Variants in DPP10 observed in about 807,000 individuals in gnomAD.
DPP10 encodes the protein inactive dipeptidyl peptidase 10.
A neutral mutation model predicts 120.9 loss-of-function variants in DPP10; 33 were observed. The ratio of observed to expected loss-of-function variants is 0.27; its 90% confidence interval spans 0.21 to 0.37. The LOEUF is 0.37. DPP10 is among the 10% of genes least tolerant of loss of function. DPP10 has a pLI of 1.00. For synonymous variants in DPP10, 337 were observed against 326.1 expected, an observed-to-expected ratio of 1.03 and a Z score of -0.36; for missense variants, 816 against 942.8, an observed-to-expected ratio of 0.87 and a Z score of 1.76.
At chr2:115,300,275 T>G (rs561119148) in intron 1 of DPP10, among the ~76,000 whole-genome samples, 1 of 152,206 alleles carries the variant, frequency 6.6e-6, no homozygotes, top group African/African-American at 2.4e-5. Context: ...CTTCTGTCTC[T>G]AAGTATTTGA....
chr2:115,080,136 G>C (rs1010320358), intron 1 of DPP10, among the ~76,000 whole-genome samples: 1 of 152,116 alleles, frequency 6.6e-6, no homozygotes, highest in Non-Finnish European at 1.5e-5. Flanking sequence ...TCCTGCCTCA[G>C]CCTTCCAAGT....
At chr2:114,602,502 T>A (rs1692455812) in intron 1 of DPP10, among the ~76,000 whole-genome samples, 2 of 152,036 alleles carry the variant, frequency 1.3e-5, no homozygotes, top group Admixed American at 1.3e-4. Flanking sequence ...TTATGTAGTC[T>A]GAGTCTGGGC....
At chr2:115,641,810 A>C (rs2086805632) in intron 5 of DPP10, among the ~76,000 whole-genome samples, 1 of 152,192 alleles carries the variant, frequency 6.6e-6, no homozygotes, top group Non-Finnish European at 1.5e-5. Context: ...ATTATGGAAT[A>C]CTGGTGCCTC....
intron 3 of DPP10, among the ~76,000 whole-genome samples, chr2:115,462,173 C>T (rs1428861948): frequency 1.3e-5 from 2 of 152,084 alleles, no homozygotes; most frequent in Non-Finnish European, 2.9e-5. Context: ...CGTCACTTAC[C>T]AGTCACACAA....
intron 3 of DPP10, among the ~76,000 whole-genome samples, chr2:115,417,937 A>G (rs1029038183): frequency 1.3e-5 from 2 of 152,154 alleles, no homozygotes; most frequent in African/African-American, 4.8e-5. Context: ...AGTTGTAGCA[A>G]TGGGCATTGT....
At chr2:115,105,815 T>C (rs1412260243) in intron 1 of DPP10, among the ~76,000 whole-genome samples, 1 of 152,238 alleles carries the variant, frequency 6.6e-6, no homozygotes, top group Non-Finnish European at 1.5e-5. Flanking sequence ...TGATGAATCA[T>C]TCACTCTTTT....
chr2:115,065,834 T>G (rs1332879150), intron 1 of DPP10, among the ~76,000 whole-genome samples: 1 of 152,170 alleles, frequency 6.6e-6, no homozygotes, highest in African/African-American at 2.4e-5. Context: ...CATTGTTAGT[T>G]TTTATTGAAA....
intron 1 of DPP10, among the ~76,000 whole-genome samples, chr2:115,052,717 C>A (rs1442154085): frequency 6.6e-6 from 1 of 152,066 alleles, no homozygotes; most frequent in East Asian, 1.9e-4. Flanking sequence ...TTTGGGATGC[C>A]AAGGCAGGCA....
intron 5 of DPP10, among the ~76,000 whole-genome samples, chr2:115,658,921 G>A (rs1397985722): frequency 6.6e-6 from 1 of 152,042 alleles, no homozygotes; most frequent in Admixed American, 6.6e-5. Flanking sequence ...ATTTTTTCAA[G>A]TTGTATAGTT....
In DPP10 at chr2:115,286,526, AAT is replaced by A. The variant is rs1553538951; in HGVS notation, c.61-22699_61-22698del. 4.9e-5 allele frequency among the ~76,000 whole-genome samples: 3 copies of A among 60,952 alleles called. 1 individual carries two copies. The highest frequency in any genetic ancestry group is 6.6e-5 in the Non-Finnish European group (2 of 30,148). The allele number at this position is 60,952 out of a possible 152,430, so 40.0% of individuals were successfully genotyped here. On this transcript the variant is annotated intron_variant, in intron 1 of 25. Transcript: ENST00000410059. ...TATTACATATATAATATATATATATAATATATATATATATAAAATATATACAG... is the reference window on the plus strand; with the variant it reads ...TATTACATATATAATATATATATATAATATATATATATAAAATATATACAG...
At chr2:114,538,934 G>A (rs1686731103) in intron 1 of DPP10, among the ~76,000 whole-genome samples, 1 of 152,044 alleles carries the variant, frequency 6.6e-6, no homozygotes, top group Admixed American at 6.6e-5. Flanking sequence ...CCCTTGATCA[G>A]ATTAGTCACA....
At chr2:115,755,946 A>G (rs371168750) in intron 11 of DPP10, among the ~76,000 whole-genome samples, 6 of 145,520 alleles carry the variant, frequency 4.1e-5, no homozygotes, top group East Asian at 2.0e-4. Flanking sequence ...GTGTGTGTGT[A>G]TATATATACA....
rs1467769887 is a variant in DPP10 at position 115,844,295 on chromosome 2, T to C, written c.*1950T>C. On this transcript the variant is annotated 3_prime_UTR_variant, in exon 26 of 26. Transcript: ENST00000410059. ...TTATGATGCAAATGATTATGTTGTC[T>C]GAAAGGTGTGGTTTTATTGAATGTC... 2 of 152,600 alleles carry C rather than the reference T, an allele frequency of 1.3e-5. No homozygotes were observed. The highest frequency in any genetic ancestry group is 2.9e-5 in the Non-Finnish European group (2 of 68,008). The allele number at this position is 152,600 out of a possible 1,614,324, so 9.5% of individuals were successfully genotyped here. A position where few individuals can be genotyped will look rare whatever the true frequency, so the allele number is the denominator to read the frequency against.
At chr2:114,694,365 T>C (rs1699944165) in intron 1 of DPP10, among the ~76,000 whole-genome samples, 1 of 152,012 alleles carries the variant, frequency 6.6e-6, no homozygotes, top group Non-Finnish European at 1.5e-5. Flanking sequence ...TATGTTCTTA[T>C]AGTTGATGAA....
chr2:115,570,625 C>T (rs969797852), intron 5 of DPP10, among the ~76,000 whole-genome samples: 1 of 152,080 alleles, frequency 6.6e-6, no homozygotes, highest in African/African-American at 2.4e-5. Context: ...TGAGTTAATG[C>T]TGTGTGGTGT....
At chr2:114,534,078 C>T (rs1289543263) in intron 1 of DPP10, among the ~76,000 whole-genome samples, 1 of 152,196 alleles carries the variant, frequency 6.6e-6, no homozygotes, top group Non-Finnish European at 1.5e-5. Flanking sequence ...CTTTATCTTA[C>T]AACTCTTCAA....
At chr2:115,406,931 A>G (rs1487620073) in intron 3 of DPP10, among the ~76,000 whole-genome samples, 3 of 152,234 alleles carry the variant, frequency 2.0e-5, no homozygotes, top group Admixed American at 6.5e-5. Context: ...ATTGTTGTAG[A>G]AAAAACCGGG....
chr2:114,732,103 A>T (rs1245512941), intron 1 of DPP10, among the ~76,000 whole-genome samples: 1 of 152,214 alleles, frequency 6.6e-6, no homozygotes, highest in Non-Finnish European at 1.5e-5. Context: ...TGTGACAGTT[A>T]ATGCTATATG....
chr2:114,698,386 G>C (rs1700190458), intron 1 of DPP10, among the ~76,000 whole-genome samples: 1 of 152,052 alleles, frequency 6.6e-6, no homozygotes, highest in African/African-American at 2.4e-5. Flanking sequence ...CTGCCATCTT[G>C]ACTGCAACCT....
Sources: allele counts gnomAD v4.1 joint callset (sites outside exome capture counted in the v4.1 genomes callset), GRCh38; gene constraint gnomAD v4.1.1; transcripts MANE v1.5; gene names NCBI Gene and HGNC (gene_info 2026-07-23, HGNC 2026-07-21).